BCAS3: variants seen among roughly 807,000 people sequenced by gnomAD.
BCAS3 encodes the protein BCAS3 microtubule associated cell migration factor, also known as BCAS4/BCAS3 fusion.
BCAS3 carries 53 observed loss-of-function variants against 116.1 expected under a neutral mutation model. The ratio of observed to expected loss-of-function variants is 0.46; its 90% CI spans 0.37 to 0.57. The LOEUF (loss-of-function observed/expected upper bound fraction) is 0.57. Among genes scored for constraint, BCAS3 ranks in the 20% least tolerant of loss-of-function variants. BCAS3 has a pLI of 0.00. For missense variants in BCAS3, 917 were observed against 1,165.4 expected (o/e 0.79, Z 3.10); for synonymous variants, 391 against 408.2 (o/e 0.96, Z 0.51).
Position 61,078,545 on chromosome 17 carries a change from T to A in BCAS3, c.2327+16T>A. 1 of 1,593,442 alleles carries A rather than the reference T, an allele frequency of 6.3e-7. No individual in the cohort carries two copies. The highest frequency in any genetic ancestry group is 8.6e-7 in the Non-Finnish European group (1 of 1,163,650). Reference sequence around the variant, plus strand: ...ACAGTCTCAGGTAGGAAATGAGAATTAGGGAGTGATTTGAACAAAAGGATT... The same window carrying A: ...ACAGTCTCAGGTAGGAAATGAGAATAAGGGAGTGATTTGAACAAAAGGATT... On this transcript the variant is annotated intron_variant, in intron 21 of 23. Transcript: ENST00000407086.
rs1486420219 is a variant in BCAS3 at position 61,366,066 on chromosome 17, C to T, written c.2426-2261C>T. Among the ~76,000 whole-genome samples, 1 of 151,884 alleles carries T rather than the reference C, an allele frequency of 6.6e-6. No homozygotes were observed. Among genetic ancestry groups the T allele is most frequent in the African/African-American group, 2.4e-5 (1 of 41,296 alleles). ...GCTGAGACACGAGAATCGCCTGGAC[C>T]CAGGAGGCAGAGGTTGCCGTGAGCC... is the stretch of plus-strand genomic sequence containing the variant. On this transcript the variant is annotated intron_variant, in intron 22 of 23. Transcript: ENST00000407086. This position sits in a 1 kb window ranked among gnomAD's most constrained non-coding sequence, Gnocchi z 4.5.
At position 61,213,558 on chromosome 17, in the gene BCAS3, T is replaced by C. The variant is rs2081599798; in HGVS notation, c.2425+128994T>C. Among the ~76,000 whole-genome samples the C allele has an allele frequency of 6.6e-6, 1 of 152,218 alleles. No individual in the cohort carries two copies. Among genetic ancestry groups the C allele is most frequent in the Non-Finnish European group, 1.5e-5 (1 of 68,038 alleles). ...AGGAAATTTAAAGAAAAAGTATTGCTATAACCATCCTACTTCAAATTCCTA... is the reference window on the plus strand; with the variant it reads ...AGGAAATTTAAAGAAAAAGTATTGCCATAACCATCCTACTTCAAATTCCTA... On this transcript the variant is annotated intron_variant, in intron 22 of 23. Coordinates refer to ENST00000407086, the MANE Select transcript of BCAS3 (RefSeq NM_017679.5). The surrounding 1 kb of genome is among the most constrained non-coding windows in gnomAD (Gnocchi z 5.4).
intron 6 of BCAS3, among the ~76,000 whole-genome samples, chr17:60,758,325 T>C (rs1453659783): frequency 6.6e-6 from 1 of 152,328 alleles, no homozygotes; most frequent in East Asian, 1.9e-4. Flanking sequence ...TTTGTTTATC[T>C]TTTTGAAGAA....
chr17:61,078,438 A>G lies in BCAS3; in HGVS notation c.2236A>G (p.Ser746Gly). The change falls in exon 21 of 24, where the codon AGT becomes GGT. Residue 746 changes from serine to glycine, a missense_variant. Ser to Gly is a moderately conservative substitution (Grantham distance 56). Around this residue, in one of 3 missense-constraint regions of BCAS3, gnomAD observed 807 missense variants for 1,026.0 expected, o/e 0.79. Transcript: ENST00000407086. ...AGGCCAAACCACAGTTATCTCATCC[A>G]GTTCATCTGTGTTGCAGTCTCATGG... The part of the protein sequence containing the change: ...PSGQTTVISS[S>G]SSVLQSHGPS... The G allele has an allele frequency of 6.2e-7, 1 of 1,614,182 alleles. No homozygotes were observed. Among genetic ancestry groups the G allele is most frequent in the Non-Finnish European group, 8.5e-7 (1 of 1,179,998 alleles).
At chr17:61,291,694 T>C (rs1028061188) in intron 22 of BCAS3, among the ~76,000 whole-genome samples, 6 of 152,356 alleles carry the variant, frequency 3.9e-5, no homozygotes, top group African/African-American at 1.4e-4. Flanking sequence ...GTGCTTCGTG[T>C]ACACTTTCAT....
intron 22 of BCAS3, among the ~76,000 whole-genome samples, chr17:61,116,880 G>A (rs1159747931): frequency 1.3e-5 from 2 of 152,122 alleles, no homozygotes; most frequent in East Asian, 3.9e-4. Flanking sequence ...TTCCCATATA[G>A]GTAAAGTGCC....
Position 60,892,452 on chromosome 17 carries a change from G to A in BCAS3, c.738+2681G>A, listed in dbSNP as rs375377069. On this transcript the variant is annotated intron_variant, in intron 10 of 23. Coordinates refer to ENST00000407086, the MANE Select transcript of BCAS3 (RefSeq NM_017679.5). ...AGCCTCCCAAGTAGCTGGGAGTACA[G>A]ACATGCGCCACCATGCCTGGCTAAT... 1.1e-3 allele frequency among the ~76,000 whole-genome samples: 174 copies of A among 151,980 alleles called. 2 individuals are homozygous for A. The South Asian group carries it at 0.016, about 14-fold the overall frequency.
At chr17:61,242,927 C>G (rs1372675201) in intron 22 of BCAS3, among the ~76,000 whole-genome samples, 1 of 148,770 alleles carries the variant, frequency 6.7e-6, no homozygotes, top group Middle Eastern at 3.5e-3. Flanking sequence ...TTTTTTGAGA[C>G]GGAGTCTTGC....
At chr17:61,070,129 A>G (rs2071203054) in intron 19 of BCAS3, 3 of 1,572,806 alleles carry the variant, frequency 1.9e-6, no homozygotes, top group South Asian at 1.1e-5. Context: ...TGAGTCTGCC[A>G]TGAAGAAGAC....
intron 19 of BCAS3, among the ~76,000 whole-genome samples, chr17:61,044,479 T>TATATATATATATATGC (rs1370417697): frequency 2.6e-4 from 38 of 143,916 alleles, no homozygotes; most frequent in African/African-American, 1.0e-3. Context: ...TATATATATA[T>TATATATATATATATGC]GCCATAAGAA....
At chr17:61,040,954 C>G (rs2067457376) in intron 19 of BCAS3, 62 bp downstream of exon 19, 2 of 1,420,878 alleles carry the variant, frequency 1.4e-6, no homozygotes, top group African/African-American at 1.4e-5. Context: ...TCTTAAAATG[C>G]TAGCTTTGAA....
chr17:61,252,690 C>T (rs1369248874), intron 22 of BCAS3, among the ~76,000 whole-genome samples: 1 of 152,000 alleles, frequency 6.6e-6, no homozygotes, highest in Non-Finnish European at 1.5e-5. Flanking sequence ...AAGGTTATCT[C>T]ATCCTCTGCC....
intron 22 of BCAS3, among the ~76,000 whole-genome samples, chr17:61,111,894 GA>G (rs1441661938): frequency 1.7e-5 from 1 of 58,520 alleles, no homozygotes; most frequent in African/African-American, 5.2e-5. Context: ...TCTCTCGGCA[GA>G]AACCCTACAA....
At position 61,233,441 on chromosome 17, in the gene BCAS3, GTTAAT is replaced by G. The variant is rs2082811134; in HGVS notation, c.2426-134883_2426-134879del. Among the ~76,000 whole-genome samples the G allele has an allele frequency of 6.6e-6, 1 of 152,150 alleles. No individual in the cohort carries two copies. The stretch of plus-strand genomic sequence containing the variant: ...TCATCGTCCAGATCTAAAAATGATT[GTTAAT>G]TTGAGTTATTGTGCTAAATATTTCT... On this transcript the variant is annotated intron_variant, in intron 22 of 23. Transcript: ENST00000407086. The surrounding 1 kb of genome is among the most constrained non-coding windows in gnomAD (Gnocchi z 4.3).
At chr17:60,829,673 T>C (rs1191121203) in intron 7 of BCAS3, among the ~76,000 whole-genome samples, 1 of 152,208 alleles carries the variant, frequency 6.6e-6, no homozygotes, top group African/African-American at 2.4e-5. Context: ...GGAGTGGACT[T>C]GCTGGGTCAT....
At position 61,388,730 on chromosome 17, in the gene BCAS3, T is replaced by C; in HGVS notation, c.2594-3247T>C. 1 of 1,538,010 alleles carries C rather than the reference T, an allele frequency of 6.5e-7. No homozygotes were observed. The highest frequency in any genetic ancestry group is 8.7e-7 in the Non-Finnish European group (1 of 1,148,608). ...GAAGGTAAGGCCACACGTTTCCATT[T>C]GCCGCTTGCTCGTAGGGCTGGGCGG... On this transcript the variant is annotated intron_variant, in intron 23 of 23. Coordinates refer to ENST00000407086, the MANE Select transcript of BCAS3 (RefSeq NM_017679.5). This position sits in a 1 kb window ranked among gnomAD's most constrained non-coding sequence, Gnocchi z 6.5.
chr17:60,945,183 C>T (rs1396312364), intron 13 of BCAS3, among the ~76,000 whole-genome samples: 1 of 151,956 alleles, frequency 6.6e-6, no homozygotes, highest in Non-Finnish European at 1.5e-5. Flanking sequence ...AAAATATTAC[C>T]ATTTATAATA....
intron 22 of BCAS3, among the ~76,000 whole-genome samples, chr17:61,172,811 C>CT (rs1568503594): frequency 1.3e-5 from 2 of 151,786 alleles, no homozygotes; most frequent in Non-Finnish European, 2.9e-5. Flanking sequence ...CGGTGAAACC[C>CT]ATCTCTACTA....
intron 7 of BCAS3, among the ~76,000 whole-genome samples, chr17:60,831,217 A>G (rs966719628): frequency 1.3e-5 from 2 of 150,914 alleles, no homozygotes; most frequent in African/African-American, 4.9e-5. Flanking sequence ...CATTCTGTCA[A>G]CCAGGCTGGA....
Sources: gnomAD v4.1 joint callset for allele counts (sites outside exome capture counted in the v4.1 genomes callset) on GRCh38, gnomAD v4.1.1 for gene constraint, gnomAD v4.1.1 regional missense constraint, Gnocchi (gnomAD v3.1) non-coding constraint, MANE v1.5 for transcripts, NCBI Gene and HGNC (gene_info 2026-07-23, HGNC 2026-07-21) for gene names.